SV2C: variants seen among roughly 807,000 people sequenced by gnomAD.
The protein encoded by SV2C is synaptic vesicle glycoprotein 2C.
In SV2C, 49 loss-of-function variants were observed where a neutral mutation model predicts 79.7. The observed-to-expected ratio is 0.61, with a 90% CI of 0.49 to 0.78. The LOEUF is 0.78. Ranked by LOEUF, SV2C falls within the 30% of genes least tolerant of loss-of-function variation. The pLI is 0.00. For missense variants in SV2C, 833 were observed against 912.9 expected, an observed-to-expected ratio of 0.91 and a Z score of 1.13; for synonymous variants, 334 against 333.2, an observed-to-expected ratio of 1.00 and a Z score of -0.03.
chr5:76,159,145 C>T (rs929828154), intron 2 of SV2C, among the ~76,000 whole-genome samples: 3 of 151,958 alleles, frequency 2.0e-5, no homozygotes, highest in Admixed American at 2.0e-4. Context: ...TCTGATAAGA[C>T]ATCTACAAGA....
chr5:76,255,924 A>G lies in SV2C; in HGVS notation c.914-29238A>G, dbSNP rs552859502. Among the ~76,000 whole-genome samples the G allele has an allele frequency of 3.7e-4, 57 of 152,356 alleles. No homozygotes were observed. The South Asian group carries it at 0.012, about 32-fold the overall frequency. On this transcript the variant is annotated intron_variant, in intron 4 of 12. Coordinates refer to ENST00000502798, the MANE Select transcript of SV2C (RefSeq NM_014979.4). ...GGGCTCAGATTCTTACAATCTCCAT[A>G]GAAAGGAAATACAGTGTCAGGCCAG...
intron 4 of SV2C, among the ~76,000 whole-genome samples, chr5:76,212,772 G>C (rs1220402806): frequency 1.3e-5 from 2 of 152,014 alleles, no homozygotes; most frequent in African/African-American, 4.8e-5. Flanking sequence ...TAGGAATTCA[G>C]TTCCTCTGAC....
At chr5:76,161,522 A>G (rs975283051) in intron 2 of SV2C, among the ~76,000 whole-genome samples, 3 of 151,844 alleles carry the variant, frequency 2.0e-5, no homozygotes, top group Non-Finnish European at 4.4e-5. Context: ...TTTTGTAGAG[A>G]TGGGGTTTCA....
chr5:76,014,150 A>G, the SV2C span, among the ~76,000 whole-genome samples: 2 of 125,460 alleles, frequency 1.6e-5, no homozygotes, highest in Non-Finnish European at 3.6e-5. Context: ...GAAAGGAAGG[A>G]AGGAAAGAAG....
At chr5:75,946,552 C>T in the SV2C span, among the ~76,000 whole-genome samples, 10 of 152,020 alleles carry the variant, frequency 6.6e-5, no homozygotes, top group African/African-American at 1.4e-4. Flanking sequence ...TTAACTATTC[C>T]GGGTCCTTTG....
At chr5:76,339,924 T>G (rs1380823135) in intron 12 of SV2C, among the ~76,000 whole-genome samples, 1 of 152,030 alleles carries the variant, frequency 6.6e-6, no homozygotes, top group Non-Finnish European at 1.5e-5. Flanking sequence ...TAAGGCATTC[T>G]AAGTCACAGG....
At chr5:76,305,095 AC>A (rs1306710877) in intron 12 of SV2C, among the ~76,000 whole-genome samples, 1 of 152,114 alleles carries the variant, frequency 6.6e-6, no homozygotes, top group Non-Finnish European at 1.5e-5. Flanking sequence ...ACACTTTCAA[AC>A]AACCATAGCT....
intron 12 of SV2C, among the ~76,000 whole-genome samples, chr5:76,324,571 T>C (rs921531482): frequency 1.1e-4 from 16 of 151,978 alleles, no homozygotes; most frequent in African/African-American, 3.4e-4. Flanking sequence ...CTGCAGGGTA[T>C]AGTGGCTCAT....
At chr5:76,087,665 A>T (rs773706022) in intron 1 of SV2C, among the ~76,000 whole-genome samples, 2 of 152,184 alleles carry the variant, frequency 1.3e-5, no homozygotes, top group Non-Finnish European at 2.9e-5. Context: ...AGTGAGTCGG[A>T]TGTTATCATT....
intron 4 of SV2C, among the ~76,000 whole-genome samples, chr5:76,237,129 C>T (rs1745639380): frequency 6.6e-6 from 1 of 152,112 alleles, no homozygotes; most frequent in Non-Finnish European, 1.5e-5. Flanking sequence ...TATAAATTCC[C>T]CAGTCGTGGG....
At chr5:76,168,568 TG>T (rs1743114181) in intron 2 of SV2C, among the ~76,000 whole-genome samples, 1 of 152,212 alleles carries the variant, frequency 6.6e-6, no homozygotes, top group Non-Finnish European at 1.5e-5. Context: ...TGCCCCAAGA[TG>T]GTCGGCTCCG....
chr5:75,860,499 A>T, the SV2C span, among the ~76,000 whole-genome samples: 20 of 152,368 alleles, frequency 1.3e-4, no homozygotes, highest in South Asian at 2.5e-3. Context: ...ATATCATTAA[A>T]GTGGCCATAG....
intron 1 of SV2C, among the ~76,000 whole-genome samples, chr5:76,119,043 G>A (rs1029137919): frequency 1.3e-5 from 2 of 152,198 alleles, no homozygotes; most frequent in Non-Finnish European, 2.9e-5. Context: ...CAGGAAATCT[G>A]AGTAAGACTT....
At chr5:76,121,196 C>T (rs1748482706) in intron 1 of SV2C, among the ~76,000 whole-genome samples, 1 of 152,040 alleles carries the variant, frequency 6.6e-6, no homozygotes, top group Non-Finnish European at 1.5e-5. Flanking sequence ...ATATCCTTTG[C>T]CCACTTTTTG....
the SV2C span, among the ~76,000 whole-genome samples, chr5:75,891,583 G>T: frequency 3.3e-5 from 5 of 151,894 alleles, no homozygotes; most frequent in Admixed American, 2.0e-4. Flanking sequence ...ACATACTTTT[G>T]ATCTCAAAAA....
chr5:76,138,382 T>C (rs1461695434), intron 2 of SV2C, among the ~76,000 whole-genome samples: 1 of 152,218 alleles, frequency 6.6e-6, no homozygotes, highest in Admixed American at 6.5e-5. Flanking sequence ...AATACACCAC[T>C]CTGGTATGTC....
chr5:76,008,469 G>A, the SV2C span, among the ~76,000 whole-genome samples: 199 of 152,120 alleles, frequency 1.3e-3, 1 homozygote, highest in Admixed American at 4.2e-3. Flanking sequence ...TCCTCGCAAC[G>A]AGTCCAGATG....
At chr5:76,073,918 T>A in the SV2C span, among the ~76,000 whole-genome samples, 3 of 151,984 alleles carry the variant, frequency 2.0e-5, no homozygotes, top group African/African-American at 7.3e-5. Flanking sequence ...AAATTAATTT[T>A]AAAAAAAGAA....
intron 12 of SV2C, among the ~76,000 whole-genome samples, chr5:76,308,952 A>G (rs1341652454): frequency 6.6e-6 from 1 of 152,218 alleles, no homozygotes; most frequent in Non-Finnish European, 1.5e-5. Flanking sequence ...CATAAGCACA[A>G]GCAAACTTCA....
Sources: gnomAD v4.1 joint callset for allele counts (sites outside exome capture counted in the v4.1 genomes callset) on GRCh38, gnomAD v4.1.1 for gene constraint, MANE v1.5 for transcripts, NCBI Gene and HGNC (gene_info 2026-07-23, HGNC 2026-07-21) for gene names.